TGM1: variants seen among roughly 807,000 people sequenced by gnomAD.
The protein encoded by TGM1 is transglutaminase 1.
In TGM1, 63 loss-of-function variants were observed where a neutral mutation model predicts 88.7. The observed-to-expected ratio is 0.71, with a 90% CI of 0.58 to 0.88. The LOEUF is 0.88. TGM1 is among the 40% of genes least tolerant of loss of function. The probability of loss-of-function intolerance (pLI) is 0.00; values close to 1 mark genes in which losing one functional copy is unlikely to be tolerated. For missense variants in TGM1, 996 were observed against 1,118.0 expected, an observed-to-expected ratio of 0.89 and a Z score of 1.56; for synonymous variants, 415 against 431.1, an observed-to-expected ratio of 0.96 and a Z score of 0.46.
chr14:24,260,758 T>C, intron 3 of TGM1, 60 bp from the exon 4 acceptor site: 1 of 1,610,996 alleles, frequency 6.2e-7, no homozygotes, highest in East Asian at 2.2e-5. Context: ...GGATGGAGCC[T>C]GGGACTTCTC....
In TGM1 at chr14:24,260,033, C is replaced by T. The variant is rs777103051; in HGVS notation, c.783G>A (p.Glu261=). 2 of 1,614,226 alleles carry T rather than the reference C, an allele frequency of 1.2e-6. No homozygotes were observed. Among genetic ancestry groups the T allele is most frequent in the South Asian group, 1.1e-5 (1 of 91,086 alleles). ...CPEDIVYVDH[E]DWRQEYVLNE... is the part of the protein sequence containing the mutation. ...TAAGAACATACTCCTGCCGCCAATC[C>T]TCATGGTCCACGTACACAATGTCCT... Residue 261 remains glutamate, a synonymous_variant, in exon 5 of 15, where the codon GAG becomes GAA. Transcript: ENST00000206765.
chr14:24,257,003 T>C (rs1350165651), intron 9 of TGM1, among the ~76,000 whole-genome samples: 1 of 152,204 alleles, frequency 6.6e-6, no homozygotes, highest in Non-Finnish European at 1.5e-5. Context: ...CCCAAGAGCA[T>C]ACATCTGAGA....
intron 9 of TGM1, among the ~76,000 whole-genome samples, chr14:24,256,286 G>A (rs1323891686): frequency 2.0e-5 from 3 of 152,224 alleles, no homozygotes; most frequent in Non-Finnish European, 4.4e-5. Context: ...AAAACAAAGA[G>A]AGAGCGGCTC....
At position 24,259,365 on chromosome 14, in the gene TGM1, C is replaced by T. The variant is rs1428987797; in HGVS notation, c.985-116G>A. Reference sequence around the variant, plus strand: ...GCAACCACCCCTTACCCCTAAATGCCTCAGGATCCAGACACCAGCCTGAGC... The same window carrying T: ...GCAACCACCCCTTACCCCTAAATGCTTCAGGATCCAGACACCAGCCTGAGC... On this transcript the variant is annotated intron_variant, in intron 6 of 14. Transcript: ENST00000206765. The surrounding 1 kb of genome is among the most constrained non-coding windows in gnomAD (Gnocchi z 5.7). 1.9e-6 allele frequency: 2 copies of T among 1,029,476 alleles called. No individual in the cohort carries two copies. Among genetic ancestry groups the T allele is most frequent in the Admixed American group, 4.0e-5 (2 of 50,292 alleles). The allele number at this position is 1,029,476 out of a possible 1,614,324, so 63.8% of individuals were successfully genotyped here.
At position 24,259,653 on chromosome 14, in the gene TGM1, C is replaced by T. The variant is rs370845121; in HGVS notation, c.984+51G>A. 6.3e-5 allele frequency: 93 copies of T among 1,476,954 alleles called. 1 individual carries two copies. Among genetic ancestry groups the T allele is most frequent in the African/African-American group, 3.3e-4 (24 of 72,072 alleles). The allele number at this position is 1,476,954 out of a possible 1,614,324, so 91.5% of individuals were successfully genotyped here. ...GGGCAGGAGGAGGGTGGGGGTGTGGCGAGGCAGCAGGCACACACACAGTAG... is the reference window on the plus strand; with the variant it reads ...GGGCAGGAGGAGGGTGGGGGTGTGGTGAGGCAGCAGGCACACACACAGTAG... On this transcript the variant is annotated intron_variant, in intron 6 of 14. Transcript: ENST00000206765. This position sits in a 1 kb window ranked among gnomAD's most constrained non-coding sequence, Gnocchi z 5.7.
chr14:24,257,339 G>A (rs1416737687), intron 9 of TGM1, among the ~76,000 whole-genome samples: 1 of 152,222 alleles, frequency 6.6e-6, no homozygotes, highest in Non-Finnish European at 1.5e-5. Flanking sequence ...ACGGTAAGAA[G>A]GGGTGGGGGT....
At chr14:24,260,195 G>A (rs1055469689) in intron 4 of TGM1, 137 bp from the exon 5 acceptor site, 2 of 961,222 alleles carry the variant, frequency 2.1e-6, no homozygotes, top group Non-Finnish European at 3.3e-6. Flanking sequence ...ACTGCTGTGG[G>A]AGGACACGGG....
chr14:24,257,407 A>G (rs2040762426), intron 9 of TGM1, among the ~76,000 whole-genome samples: 1 of 152,228 alleles, frequency 6.6e-6, no homozygotes, highest in Admixed American at 6.5e-5. Flanking sequence ...ATGTATGTGG[A>G]CACAGAAAAG....
intron 14 of TGM1, 159 bp downstream of exon 14, chr14:24,253,993 G>A (rs2040721790): frequency 3.1e-6 from 3 of 972,538 alleles, no homozygotes; most frequent in African/African-American, 3.2e-5. Flanking sequence ...TGGTGGGACT[G>A]AGCTGGGCCG....
rs1240490160 is a variant in TGM1 at position 24,249,658 on chromosome 14, A to G, written c.2226-117T>C. ...GAGGTGGACCCATTCAGACAATTCC[A>G]GGCTTACCTGAAATTTCCACACCCA... On this transcript the variant is annotated intron_variant, in intron 14 of 14. Transcript: ENST00000206765. 5.1e-6 allele frequency: 5 copies of G among 971,408 alleles called. No individual in the cohort carries two copies. The African/African-American group carries it at 6.4e-5, about 13-fold the overall frequency. The allele number at this position is 971,408 out of a possible 1,614,324, so 60.2% of individuals were successfully genotyped here.
At chr14:24,254,354 T>C (rs1054240366) in intron 13 of TGM1, 66 bp from the exon 14 acceptor site, 1 of 1,611,254 alleles carries the variant, frequency 6.2e-7, no homozygotes, top group Non-Finnish European at 8.5e-7. Flanking sequence ...GACCGTACAC[T>C]GCACCAGAGA....
intron 14 of TGM1, among the ~76,000 whole-genome samples, chr14:24,253,464 CTG>C (rs41293834): frequency 6.6e-6 from 1 of 150,448 alleles, no homozygotes; most frequent in Non-Finnish European, 1.5e-5. Context: ...GTGTGTGTGT[CTG>C]TGTGTGTGTG....
Position 24,258,582 on chromosome 14 carries a change from G to A in TGM1, c.1251C>T (p.Phe417=), listed in dbSNP as rs778596476. ...GCTCCAGGGGCTTCATGTTCTCGTC[G>A]AAGTAGATGTCCATGGTAAGGGATG... ...TDTSLTMDIY[F]DENMKPLEHL... is the part of the protein sequence containing the mutation. Residue 417 remains phenylalanine (F), a synonymous_variant, in exon 8 of 15, where the codon TTC becomes TTT. Coordinates refer to ENST00000206765, the MANE Select transcript of TGM1 (RefSeq NM_000359.3). 19 of 1,614,088 alleles carry A rather than the reference G, an allele frequency of 1.2e-5. No homozygotes were observed. Among genetic ancestry groups the A allele is most frequent in the African/African-American group, 5.3e-5 (4 of 74,926 alleles).
At chr14:24,252,525 G>C (rs1177808123) in intron 14 of TGM1, among the ~76,000 whole-genome samples, 1 of 152,228 alleles carries the variant, frequency 6.6e-6, no homozygotes, top group Non-Finnish European at 1.5e-5. Context: ...GACTAGCAGA[G>C]CAGGCTACCC....
At position 24,262,141 on chromosome 14, in the gene TGM1, C is replaced by T. The variant is rs374035643; in HGVS notation, c.212G>A (p.Arg71Gln). The T allele has an allele frequency of 1.6e-5, 26 of 1,613,662 alleles. No individual in the cohort carries two copies. Among genetic ancestry groups the T allele is most frequent in the African/African-American group, 9.3e-5 (7 of 75,046 alleles). ...TCTTCGAGTGCCAGAGCTGGACCCT[C>T]GACCCCTGGAGTCAGAGGGTTCAGG... The part of the protein sequence containing the change: ...WGPEPSDSRG[R>Q]GSSSGTRRPG... The change falls in exon 2 of 15, where the codon CGA (arginine) becomes CAA (glutamine). Residue 71 changes from arginine to glutamine, a missense_variant. By Grantham distance (43) the Arg-to-Gln change is conservative (BLOSUM62 1). Coordinates refer to ENST00000206765, the MANE Select transcript of TGM1 (RefSeq NM_000359.3).
intron 14 of TGM1, among the ~76,000 whole-genome samples, chr14:24,250,334 G>C (rs2855098): frequency 0.88 from 134,458 of 152,086 alleles, 59,511 homozygotes; most frequent in Admixed American, 0.92. Context: ...TCCTTGCCTC[G>C]CATCCCACTT....
chr14:24,254,040 G>C, intron 14 of TGM1, 112 bp downstream of exon 14: 1 of 1,482,402 alleles, frequency 6.7e-7, no homozygotes, highest in Admixed American at 2.0e-5. Flanking sequence ...TGCTTGGTTG[G>C]GTCCTGACAG....
At position 24,255,436 on chromosome 14, in the gene TGM1, T is replaced by A. The variant is rs1367431821; in HGVS notation, c.1573A>T (p.Thr525Ser). ...CTGATGGCCTTTGTGACAATGAGTG[T>A]GCCGATGGCCTTCTCCTCCACATAA... ...IVYVEEKAIGTLIVTKAISSN... is the reference protein window; with the variant it reads ...IVYVEEKAIGSLIVTKAISSN... The change falls in exon 11 of 15, where the codon ACA (threonine) becomes TCA (serine). Residue 525 changes from threonine (T) to serine (S), a missense_variant. Thr to Ser is a moderately conservative substitution (Grantham distance 58). Coordinates refer to ENST00000206765, the MANE Select transcript of TGM1 (RefSeq NM_000359.3). The surrounding 1 kb of genome is among the most constrained non-coding windows in gnomAD (Gnocchi z 4.0). 8.7e-6 allele frequency: 14 copies of A among 1,614,178 alleles called. No homozygotes were observed. Among genetic ancestry groups the A allele is most frequent in the Non-Finnish European group, 1.2e-5 (14 of 1,180,026 alleles).
In TGM1 at chr14:24,254,287, A is replaced by C. The variant is rs747781875; in HGVS notation, c.2090T>G (p.Leu697Ter). ...CTGGCCAACCACTGCTGCTCCCAGT[A>C]ACTGAGAGAAAAAGAGGCCCATCCC... is the stretch of plus-strand genomic sequence containing the variant. ...RLRTPDLSLT[L>*]LGAAVVGQEC... is the part of the protein sequence containing the mutation. The change falls in exon 14 of 15, where the codon TTA becomes TGA. Residue 697 changes from leucine to a stop codon, truncating the protein, a stop_gained and splice_region_variant. Transcript: ENST00000206765. LOFTEE classifies it high-confidence loss of function. 1.2e-6 allele frequency: 2 copies of C among 1,614,020 alleles called. No individual in the cohort carries two copies. The highest frequency in any genetic ancestry group is 1.7e-6 in the Non-Finnish European group (2 of 1,180,006).
Sources: gnomAD v4.1 joint callset for allele counts (sites outside exome capture counted in the v4.1 genomes callset) on GRCh38, gnomAD v4.1.1 for gene constraint, Gnocchi (gnomAD v3.1) non-coding constraint, MANE v1.5 for transcripts, NCBI Gene and HGNC (gene_info 2026-07-23, HGNC 2026-07-21) for gene names.